The following ERICH1 variants were observed in gnomAD, a reference collection of about 807,000 sequenced individuals.
ERICH1 encodes the protein glutamate-rich protein 1.
ERICH1 carries 56 observed loss-of-function variants against 39.6 expected under a neutral mutation model. The observed-to-expected ratio is 1.41, with a 90% CI of 1.14 to 1.77. ERICH1 has a LOEUF of 1.77. Ranked by LOEUF, ERICH1 falls within the 40% of genes most tolerant of loss-of-function variation. The probability of loss-of-function intolerance (pLI) is 0.00; values close to 1 mark genes in which losing one functional copy is unlikely to be tolerated. For synonymous variants in ERICH1, 313 were observed against 223.6 expected, an observed-to-expected ratio of 1.40 and a Z score of -3.57; for missense variants, 826 against 575.4, an observed-to-expected ratio of 1.44 and a Z score of -4.45.
At chr8:629,280 T>A (rs1797777555) in intron 3 of ERICH1, among the ~76,000 whole-genome samples, 1 of 151,686 alleles carries the variant, frequency 6.6e-6, no homozygotes, top group African/African-American at 2.4e-5. Flanking sequence ...ACCAACTACA[T>A]GACGTACAGC....
chr8:657,680 C>T (rs1023479815), intron 3 of ERICH1, among the ~76,000 whole-genome samples: 1 of 151,588 alleles, frequency 6.6e-6, no homozygotes, highest in African/African-American at 2.4e-5. Context: ...TGGGTTTCAG[C>T]TGAACGCCAG....
intron 2 of ERICH1, among the ~76,000 whole-genome samples, chr8:713,073 G>A (rs919506279): frequency 9.2e-5 from 14 of 152,220 alleles, no homozygotes; most frequent in African/African-American, 3.4e-4. Flanking sequence ...GCTTGCAGAC[G>A]CCGTTCTCTC....
At chr8:630,576 C>T (rs1563167904) in intron 3 of ERICH1, among the ~76,000 whole-genome samples, 1 of 106,476 alleles carries the variant, frequency 9.4e-6, no homozygotes, top group Non-Finnish European at 1.9e-5. Context: ...TGTGACCACC[C>T]ACACAGACAG....
intron 5 of ERICH1, chr8:666,991 A>G (rs896522): frequency 0.91 from 139,105 of 153,188 alleles, 63,268 homozygotes; most frequent in South Asian, 0.95. Context: ...ATCCTCAGCC[A>G]CCCCCACCTG....
chr8:617,465 T>C (rs987101274), intron 3 of ERICH1, among the ~76,000 whole-genome samples: 2 of 152,218 alleles, frequency 1.3e-5, no homozygotes, highest in African/African-American at 4.8e-5. Context: ...GAGTGCTGAG[T>C]GCTTGGTGCT....
At chr8:697,955 G>T (rs1428968183) in intron 2 of ERICH1, among the ~76,000 whole-genome samples, 52 of 152,066 alleles carry the variant, frequency 3.4e-4, no homozygotes, top group Middle Eastern at 3.4e-3. Flanking sequence ...GGCTGCAAGG[G>T]ACACAAATCC....
intron 2 of ERICH1, among the ~76,000 whole-genome samples, chr8:699,471 CACA>C (rs1356346183): frequency 2.0e-5 from 3 of 152,178 alleles, no homozygotes; most frequent in Non-Finnish European, 4.4e-5. Context: ...CAAGCACGAG[CACA>C]ACAATGCTGC....
chr8:670,240 T>C (rs1241366548), intron 4 of ERICH1, among the ~76,000 whole-genome samples: 1 of 152,218 alleles, frequency 6.6e-6, no homozygotes, highest in African/African-American at 2.4e-5. Flanking sequence ...AGATTCAAAT[T>C]ACCTGGCGAA....
At chr8:668,272 T>C in intron 5 of ERICH1, 2 of 357,808 alleles carry the variant, frequency 5.6e-6, no homozygotes, top group Non-Finnish European at 1.0e-5. Flanking sequence ...ATTTACCATC[T>C]ACCACAGCAG....
At chr8:650,062 G>C (rs1799750718) in intron 3 of ERICH1, among the ~76,000 whole-genome samples, 1 of 152,232 alleles carries the variant, frequency 6.6e-6, no homozygotes, top group Non-Finnish European at 1.5e-5. Flanking sequence ...TCCTGCTCTC[G>C]GCTTTCGTGC....
At position 664,492 on chromosome 8, in the gene ERICH1, T is replaced by C. The variant is rs771044168; in HGVS notation, c.*111A>G. 2.2e-6 allele frequency: 3 copies of C among 1,363,052 alleles called. No individual in the cohort carries two copies. The highest frequency in any genetic ancestry group is 5.0e-5 in the East Asian group (2 of 40,266). The allele number at this position is 1,363,052 out of a possible 1,614,324, so 84.4% of individuals were successfully genotyped here. ...CAGGAACAAACACGTGAATAAATAA[T>C]ATGGCATAAATGTCTTTCAAGTTCC... On this transcript the variant is annotated 3_prime_UTR_variant, in exon 6 of 6. Coordinates refer to ENST00000262109, the MANE Select transcript of ERICH1 (RefSeq NM_207332.3).
chr8:629,925 C>A (rs867818696), intron 3 of ERICH1, among the ~76,000 whole-genome samples: 1 of 117,976 alleles, frequency 8.5e-6, no homozygotes, highest in South Asian at 3.0e-4. Context: ...CACACCCTCC[C>A]GTGACCACCC....
At chr8:669,876 G>T (rs543895165) in intron 4 of ERICH1, among the ~76,000 whole-genome samples, 1 of 152,196 alleles carries the variant, frequency 6.6e-6, no homozygotes, top group Non-Finnish European at 1.5e-5. Context: ...TGGTTTCGGC[G>T]TTAACCCTGC....
chr8:633,711 G>C (rs775368504), intron 3 of ERICH1, among the ~76,000 whole-genome samples: 1 of 152,214 alleles, frequency 6.6e-6, no homozygotes, highest in African/African-American at 2.4e-5. Flanking sequence ...CAGAGGCGAG[G>C]ACCCAGAAAT....
intron 3 of ERICH1, among the ~76,000 whole-genome samples, chr8:636,419 G>C (rs1026223654): frequency 7.2e-5 from 11 of 152,230 alleles, no homozygotes; most frequent in African/African-American, 2.7e-4. Context: ...CTCCCTCATA[G>C]AAAATACTCT....
At chr8:719,532 G>A (rs1585661667) in intron 1 of ERICH1, among the ~76,000 whole-genome samples, 1 of 152,310 alleles carries the variant, frequency 6.6e-6, no homozygotes, top group Middle Eastern at 3.4e-3. Context: ...CCTGCCAAGC[G>A]ACTCTCTTTC....
intron 3 of ERICH1, among the ~76,000 whole-genome samples, chr8:643,667 C>A (rs1252496036): frequency 6.6e-6 from 1 of 152,156 alleles, no homozygotes; most frequent in African/African-American, 2.4e-5. Context: ...GGACTCTGAG[C>A]GATGGGACAG....
intron 2 of ERICH1, among the ~76,000 whole-genome samples, chr8:696,237 A>G (rs1451486739): frequency 3.6e-5 from 1 of 27,952 alleles, no homozygotes; most frequent in African/African-American, 2.3e-4. Context: ...GGCTCCTCTC[A>G]CCCTCCACTC....
intron 3 of ERICH1, among the ~76,000 whole-genome samples, chr8:683,603 C>T (rs560290027): frequency 2.0e-5 from 3 of 152,338 alleles, no homozygotes; most frequent in South Asian, 2.1e-4. Flanking sequence ...CCTCCTCCCC[C>T]GGCTCCATGC....
Sources: gnomAD v4.1 joint callset for allele counts (sites outside exome capture counted in the v4.1 genomes callset) on GRCh38, gnomAD v4.1.1 for gene constraint, MANE v1.5 for transcripts, NCBI Gene and HGNC (gene_info 2026-07-23, HGNC 2026-07-21) for gene names.